Variants in PTPRT observed in about 807,000 individuals in gnomAD.
The protein encoded by PTPRT is protein tyrosine phosphatase receptor type T, also known as receptor-type tyrosine-protein phosphatase T.
Under a neutral mutation model 176.8 loss-of-function variants are expected in PTPRT, and 56 were observed. That is an observed-to-expected ratio of 0.32 (90% CI 0.26 to 0.40). PTPRT has a LOEUF of 0.40. Ranked by LOEUF, PTPRT falls within the 10% of genes least tolerant of loss-of-function variation. The pLI is 1.00. For missense variants in PTPRT, 1,540 were observed against 1,908.2 expected (o/e 0.81, Z 3.60); for synonymous variants, 783 against 739.0 (o/e 1.06, Z -0.96).
At chr20:42,096,105 A>G (rs1474650359) in intron 27 of PTPRT, among the ~76,000 whole-genome samples, 1 of 152,076 alleles carries the variant, frequency 6.6e-6, no homozygotes, top group Non-Finnish European at 1.5e-5. Flanking sequence ...AAATGTTTTC[A>G]CGTCCAATTC....
At chr20:42,040,613 G>A in the PTPRT span, among the ~76,000 whole-genome samples, 2 of 152,158 alleles carry the variant, frequency 1.3e-5, no homozygotes, top group Non-Finnish European at 2.9e-5. Flanking sequence ...TTTAAGAAAT[G>A]AGTGCAAAAC....
At chr20:42,877,995 A>G (rs1411608771) in intron 2 of PTPRT, among the ~76,000 whole-genome samples, 1 of 152,230 alleles carries the variant, frequency 6.6e-6, no homozygotes, top group Non-Finnish European at 1.5e-5. Flanking sequence ...CCAGGACTAC[A>G]TGTTTGCCAT....
intron 14 of PTPRT, among the ~76,000 whole-genome samples, chr20:42,242,099 C>A (rs960871608): frequency 6.6e-6 from 1 of 152,154 alleles, no homozygotes; most frequent in African/African-American, 2.4e-5. Flanking sequence ...TTCTGATTGT[C>A]TACCCAGAAA....
chr20:42,957,397 A>G (rs185672304), intron 1 of PTPRT, among the ~76,000 whole-genome samples: 2 of 152,190 alleles, frequency 1.3e-5, no homozygotes, highest in Non-Finnish European at 2.9e-5. Context: ...TTAATCTCAT[A>G]CATTGATTTA....
chr20:42,041,275 C>A, the PTPRT span, among the ~76,000 whole-genome samples: 2 of 152,174 alleles, frequency 1.3e-5, no homozygotes, highest in Admixed American at 1.3e-4. Flanking sequence ...TTGTTCATAA[C>A]AATCTCTAAA....
chr20:43,081,532 G>A (rs762970183), intron 1 of PTPRT, among the ~76,000 whole-genome samples: 2 of 152,000 alleles, frequency 1.3e-5, no homozygotes, highest in Non-Finnish European at 2.9e-5. Flanking sequence ...TCTCTCTAGA[G>A]GCAAATCCAT....
At chr20:42,833,686 G>A (rs1460753359) in intron 2 of PTPRT, among the ~76,000 whole-genome samples, 3 of 152,258 alleles carry the variant, frequency 2.0e-5, no homozygotes, top group African/African-American at 7.2e-5. Context: ...ATATTGTGAA[G>A]GGAAATCAGA....
intron 7 of PTPRT, among the ~76,000 whole-genome samples, chr20:42,594,193 C>T (rs1467491747): frequency 6.6e-6 from 1 of 152,128 alleles, no homozygotes; most frequent in Non-Finnish European, 1.5e-5. Context: ...GGATTAAGAA[C>T]AAGGAGTTCT....
At chr20:42,678,435 G>A (rs1374411044) in intron 6 of PTPRT, among the ~76,000 whole-genome samples, 3 of 152,112 alleles carry the variant, frequency 2.0e-5, no homozygotes, top group Non-Finnish European at 4.4e-5. Flanking sequence ...CAAGTAGCTG[G>A]GATTACAGGC....
intron 7 of PTPRT, among the ~76,000 whole-genome samples, chr20:42,624,024 CA>C (rs939312524): frequency 0.011 from 1,071 of 99,496 alleles, 21 homozygotes; most frequent in African/African-American, 0.049. Flanking sequence ...AACAAACAAA[CA>C]AAAAAAAAAA....
At position 42,472,491 on chromosome 20, in the gene PTPRT, G is replaced by A. The variant is rs2071215919; in HGVS notation, c.1225C>T (p.Pro409Ser). Residue 409 changes from proline to serine, a missense_variant, in exon 8 of 31, where the codon CCC becomes TCC. Around this residue, in one of 11 missense-constraint regions of PTPRT, gnomAD observed 273 missense variants for 432.1 expected, o/e 0.63. Coordinates refer to ENST00000373187, the MANE Select transcript of PTPRT (RefSeq NM_007050.6). Reference sequence around the variant, plus strand: ...CAGCGGGTCACCGCGTAGCCGAAGGGCTCCCACTGCAGGGTCAGCTGCCGG... The same window carrying A: ...CAGCGGGTCACCGCGTAGCCGAAGGACTCCCACTGCAGGGTCAGCTGCCGG... Reference protein sequence around the residue: ...RARQLTLQWEPFGYAVTRCHS... With the variant: ...RARQLTLQWESFGYAVTRCHS... The A allele has an allele frequency of 6.2e-7, 1 of 1,614,102 alleles. No individual in the cohort carries two copies. The highest frequency in any genetic ancestry group is 1.3e-5 in the African/African-American group (1 of 74,942).
At chr20:42,199,494 C>T in intron 15 of PTPRT, 106 bp from the exon 16 acceptor site, 1 of 1,273,040 alleles carries the variant, frequency 7.9e-7, no homozygotes, top group African/African-American at 1.5e-5. Flanking sequence ...ACCCCCAAAT[C>T]TGGTTCATTC....
chr20:42,066,514 T>C, the PTPRT span, among the ~76,000 whole-genome samples: 6 of 152,174 alleles, frequency 3.9e-5, no homozygotes, highest in Non-Finnish European at 7.3e-5. Context: ...ATTCATAATA[T>C]GAATTAAGCT....
At chr20:42,848,106 C>T (rs920601667) in intron 2 of PTPRT, among the ~76,000 whole-genome samples, 2 of 152,150 alleles carry the variant, frequency 1.3e-5, no homozygotes, top group African/African-American at 4.8e-5. Context: ...TCCTGAGTTC[C>T]TTCACTTAGG....
At chr20:42,681,354 T>C (rs968649778) in intron 6 of PTPRT, among the ~76,000 whole-genome samples, 5 of 152,256 alleles carry the variant, frequency 3.3e-5, no homozygotes, top group Non-Finnish European at 5.9e-5. Context: ...AAATCAGTGA[T>C]AACAAAGTGT....
chr20:42,657,422 C>T (rs1488486037), intron 7 of PTPRT, among the ~76,000 whole-genome samples: 1 of 152,160 alleles, frequency 6.6e-6, no homozygotes, highest in Non-Finnish European at 1.5e-5. Flanking sequence ...TTGTTTTCCT[C>T]CTGCTTTTAG....
intron 19 of PTPRT, among the ~76,000 whole-genome samples, chr20:42,123,288 G>A (rs1337762532): frequency 6.6e-6 from 1 of 152,218 alleles, no homozygotes; most frequent in African/African-American, 2.4e-5. Flanking sequence ...AGATGGCTTG[G>A]ATTCTCTATT....
intron 9 of PTPRT, among the ~76,000 whole-genome samples, chr20:42,443,827 C>T (rs184632796): frequency 6.6e-6 from 1 of 152,320 alleles, no homozygotes; most frequent in African/African-American, 2.4e-5. Context: ...TGTAACAACA[C>T]TTTCACATCT....
chr20:42,911,976 CTTTTT>C (rs11475084), intron 1 of PTPRT, among the ~76,000 whole-genome samples: 1 of 124,320 alleles, frequency 8.0e-6, no homozygotes. Flanking sequence ...ATCCTCTTTT[CTTTTT>C]TTTTTTTTTT....
Sources: gnomAD v4.1 joint callset for allele counts (sites outside exome capture counted in the v4.1 genomes callset) on GRCh38, gnomAD v4.1.1 for gene constraint, gnomAD v4.1.1 regional missense constraint, MANE v1.5 for transcripts, NCBI Gene and HGNC (gene_info 2026-07-23, HGNC 2026-07-21) for gene names.